The following KCTD8 variants were observed in gnomAD, a reference collection of about 807,000 sequenced individuals.
The protein encoded by KCTD8 is potassium channel tetramerization domain containing 8, also known as BTB/POZ domain-containing protein KCTD8.
KCTD8 carries 27 observed loss-of-function variants against 31.5 expected under a neutral mutation model. The ratio of observed to expected loss-of-function variants is 0.86; its 90% CI spans 0.63 to 1.18. KCTD8 has a LOEUF of 1.18. Among genes scored for constraint, KCTD8 ranks in the 50% most tolerant of loss-of-function variants. The pLI is 0.00. For synonymous variants in KCTD8, 290 were observed against 280.0 expected, an observed-to-expected ratio of 1.04 and a Z score of -0.36; for missense variants, 658 against 647.7, an observed-to-expected ratio of 1.02 and a Z score of -0.17.
chr4:44,311,674 A>G (rs1478162411), intron 1 of KCTD8, among the ~76,000 whole-genome samples: 1 of 152,078 alleles, frequency 6.6e-6, no homozygotes, highest in East Asian at 1.9e-4. Flanking sequence ...TCCAAAGCAC[A>G]GTAATAACAA....
At chr4:44,273,446 A>AT (rs1187272350) in intron 1 of KCTD8, among the ~76,000 whole-genome samples, 7 of 152,048 alleles carry the variant, frequency 4.6e-5, no homozygotes, top group Admixed American at 2.6e-4. Flanking sequence ...ACCTTAATGA[A>AT]TTTTTTATGA....
chr4:44,346,768 C>A (rs1719048066), intron 1 of KCTD8, among the ~76,000 whole-genome samples: 1 of 152,144 alleles, frequency 6.6e-6, no homozygotes, highest in African/African-American at 2.4e-5. Context: ...AGAGCTTGTG[C>A]TCTTCCTAAT....
chr4:44,208,965 G>C (rs138886609), intron 1 of KCTD8, among the ~76,000 whole-genome samples: 1 of 152,110 alleles, frequency 6.6e-6, no homozygotes, highest in East Asian at 1.9e-4. Flanking sequence ...TTGTTTGTTT[G>C]TTTATTAAGG....
chr4:44,429,972 A>G lies in KCTD8; in HGVS notation c.961+17591T>C, dbSNP rs189654207. On this transcript the variant is annotated intron_variant, in intron 1 of 1. Transcript: ENST00000360029. ...ATGGCTTTCCTTTCCTCTGTCAAGA[A>G]AAAGACAAAGACATTTATTGAGACT... Among the ~76,000 whole-genome samples, 13 of 151,852 alleles carry G rather than the reference A, an allele frequency of 8.6e-5. No homozygotes were observed. In the East Asian group the frequency reaches 2.1e-3, roughly 25 times the overall value.
At chr4:44,193,726 C>T (rs548124234) in intron 1 of KCTD8, among the ~76,000 whole-genome samples, 40 of 151,306 alleles carry the variant, frequency 2.6e-4, no homozygotes, top group African/African-American at 7.8e-4. Flanking sequence ...TTACTGGGAC[C>T]GAGGCTTTTT....
At chr4:44,221,240 G>T (rs766136335) in intron 1 of KCTD8, among the ~76,000 whole-genome samples, 1 of 152,030 alleles carries the variant, frequency 6.6e-6, no homozygotes, top group Non-Finnish European at 1.5e-5. Flanking sequence ...AGCCCAGGAT[G>T]GTGGAACATT....
At chr4:44,445,009 A>G (rs977516472) in intron 1 of KCTD8, among the ~76,000 whole-genome samples, 1 of 152,234 alleles carries the variant, frequency 6.6e-6, no homozygotes, top group Non-Finnish European at 1.5e-5. Context: ...CATCTAAAAC[A>G]TAAGTGGACA....
chr4:44,219,065 C>G (rs990585971), intron 1 of KCTD8, among the ~76,000 whole-genome samples: 1 of 152,108 alleles, frequency 6.6e-6, no homozygotes, highest in African/African-American at 2.4e-5. Context: ...TCACTCACCT[C>G]GAAAAGTATT....
At chr4:44,298,844 A>G (rs1717522314) in intron 1 of KCTD8, among the ~76,000 whole-genome samples, 1 of 152,218 alleles carries the variant, frequency 6.6e-6, no homozygotes, top group Non-Finnish European at 1.5e-5. Flanking sequence ...TAAAATATTG[A>G]TTGAAAGATA....
intron 1 of KCTD8, among the ~76,000 whole-genome samples, chr4:44,196,695 G>A (rs1479807226): frequency 6.6e-6 from 1 of 152,192 alleles, no homozygotes; most frequent in Non-Finnish European, 1.5e-5. Flanking sequence ...TACAGGGAAA[G>A]GGTGAGAGAG....
At chr4:44,442,239 A>G (rs1462872994) in intron 1 of KCTD8, among the ~76,000 whole-genome samples, 5 of 152,180 alleles carry the variant, frequency 3.3e-5, no homozygotes, top group Non-Finnish European at 7.3e-5. Context: ...AGAGTTATTT[A>G]ATCTTATTTT....
At chr4:44,271,905 A>G (rs1024524941) in intron 1 of KCTD8, among the ~76,000 whole-genome samples, 7 of 151,962 alleles carry the variant, frequency 4.6e-5, no homozygotes, top group African/African-American at 1.7e-4. Context: ...TCCACAAGCT[A>G]TATTTCTGTG....
chr4:44,429,839 C>T (rs1433546453), intron 1 of KCTD8, among the ~76,000 whole-genome samples: 2 of 151,598 alleles, frequency 1.3e-5, no homozygotes, highest in Non-Finnish European at 3.0e-5. Flanking sequence ...AGGGATAGTT[C>T]CTCTACTATT....
intron 1 of KCTD8, among the ~76,000 whole-genome samples, chr4:44,204,572 GA>G (rs945154854): frequency 1.3e-5 from 2 of 152,070 alleles, no homozygotes; most frequent in Admixed American, 1.3e-4. Flanking sequence ...CCTTAAAAGG[GA>G]CAGGAATTGC....
chr4:44,351,262 T>A (rs933978870), intron 1 of KCTD8, among the ~76,000 whole-genome samples: 2 of 152,128 alleles, frequency 1.3e-5, no homozygotes, highest in South Asian at 4.1e-4. Context: ...CCTGGCTGTC[T>A]AAATAATTGT....
chr4:44,448,536 G>C lies in KCTD8; in HGVS notation c.-13C>G. ...CCTTCAGAGCCATAGTCCCCCCGCCGCCGGCCCAGTGACCCGAGAGAGCTG... is the reference window on the plus strand; with the variant it reads ...CCTTCAGAGCCATAGTCCCCCCGCCCCCGGCCCAGTGACCCGAGAGAGCTG... On this transcript the variant is annotated 5_prime_UTR_variant, in exon 1 of 2. Transcript: ENST00000360029. The surrounding 1 kb of genome is among the most constrained non-coding windows in gnomAD (Gnocchi z 4.1). The C allele has an allele frequency of 6.9e-7, 1 of 1,451,764 alleles. No individual in the cohort carries two copies. Among genetic ancestry groups the C allele is most frequent in the African/African-American group, 1.5e-5 (1 of 68,400 alleles). The allele number at this position is 1,451,764 out of a possible 1,614,324, so 89.9% of individuals were successfully genotyped here.
intron 1 of KCTD8, among the ~76,000 whole-genome samples, chr4:44,357,614 T>C (rs1719377300): frequency 6.6e-6 from 1 of 152,162 alleles, no homozygotes; most frequent in Non-Finnish European, 1.5e-5. Context: ...CTAAAGTTCA[T>C]GAATAACTCT....
At chr4:44,257,666 T>C (rs1716027014) in intron 1 of KCTD8, among the ~76,000 whole-genome samples, 1 of 152,010 alleles carries the variant, frequency 6.6e-6, no homozygotes, top group Non-Finnish European at 1.5e-5. Flanking sequence ...AACAAGTCTT[T>C]TGTACTATTG....
intron 1 of KCTD8, among the ~76,000 whole-genome samples, chr4:44,437,650 C>G (rs867766489): frequency 6.6e-6 from 1 of 152,024 alleles, no homozygotes; most frequent in Non-Finnish European, 1.5e-5. Flanking sequence ...AAATGACAGC[C>G]TGACACCCTA....
Sources: allele counts gnomAD v4.1 joint callset (sites outside exome capture counted in the v4.1 genomes callset), GRCh38; gene constraint gnomAD v4.1.1; non-coding constraint Gnocchi (gnomAD v3.1); transcripts MANE v1.5; gene names NCBI Gene and HGNC (gene_info 2026-07-23, HGNC 2026-07-21).